C4orf50: variants seen among roughly 807,000 people sequenced by gnomAD.
The protein encoded by C4orf50 is chromosome 4 open reading frame 50.
In C4orf50, 80 loss-of-function variants were observed where a neutral mutation model predicts 77.2. That is an observed-to-expected ratio of 1.04 (90% CI 0.87 to 1.25). The LOEUF is 1.25. C4orf50 is among the 50% of genes most tolerant of loss of function. The probability of loss-of-function intolerance (pLI) is 0.00; values close to 1 mark genes in which losing one functional copy is unlikely to be tolerated. For missense variants in C4orf50, 1,257 were observed against 1,152.9 expected, an observed-to-expected ratio of 1.09 and a Z score of -1.31; for synonymous variants, 532 against 465.3, an observed-to-expected ratio of 1.14 and a Z score of -1.84.
intron 7 of C4orf50, among the ~76,000 whole-genome samples, chr4:5,933,689 T>C (rs1717867932): frequency 6.6e-6 from 1 of 152,166 alleles, no homozygotes; most frequent in African/African-American, 2.4e-5. Context: ...CGGTCGTGCC[T>C]CCCTGCGGAG....
intron 25 of C4orf50, among the ~76,000 whole-genome samples, chr4:6,002,225 T>C (rs190345360): frequency 6.6e-6 from 1 of 151,968 alleles, no homozygotes; most frequent in East Asian, 1.9e-4. Context: ...CAAGAGAAAA[T>C]GGAGGCAGAA....
Position 5,932,085 on chromosome 4 carries a change from C to T in C4orf50, c.*2474+24816G>A, listed in dbSNP as rs1025851044. On this transcript the variant is annotated intron_variant, in intron 7 of 7. Coordinates refer to the C4orf50 transcript ENST00000324058. This position sits in a 1 kb window ranked among gnomAD's most constrained non-coding sequence, Gnocchi z 4.2. ...ACCCCTGCCAACTGTCTCTAATTTC[C>T]GTGCAATGTTTGGCCTCTTGCCCCC... is the stretch of plus-strand genomic sequence containing the variant. Among the ~76,000 whole-genome samples, 4 of 131,910 alleles carry T rather than the reference C, an allele frequency of 3.0e-5. No homozygotes were observed. Among genetic ancestry groups the T allele is most frequent in the Non-Finnish European group, 4.7e-5 (3 of 63,160 alleles). The allele number at this position is 131,910 out of a possible 152,430, so 86.5% of individuals were successfully genotyped here. A position where few individuals can be genotyped will look rare whatever the true frequency, so the allele number is the denominator to read the frequency against.
chr4:5,981,119 C>T (rs1720559118), intron 28 of C4orf50, among the ~76,000 whole-genome samples: 1 of 152,190 alleles, frequency 6.6e-6, no homozygotes, highest in Non-Finnish European at 1.5e-5. Flanking sequence ...CATACTAACA[C>T]AGATTTTCTA....
At chr4:5,949,887 G>C (rs1245199329) in intron 7 of C4orf50, among the ~76,000 whole-genome samples, 1 of 151,382 alleles carries the variant, frequency 6.6e-6, no homozygotes, top group Non-Finnish European at 1.5e-5. Context: ...TATTCCAGAG[G>C]CTGAGGCAGG....
chr4:5,962,057 G>A (rs1045885356), intron 33 of C4orf50, among the ~76,000 whole-genome samples: 5 of 152,170 alleles, frequency 3.3e-5, no homozygotes, highest in South Asian at 2.1e-4. Flanking sequence ...TGCTCATGAC[G>A]ACTGGACAGA....
Position 5,926,349 on chromosome 4 carries a change from G to A in C4orf50, c.*2475-28161C>T, listed in dbSNP as rs141534148. 1.1e-4 allele frequency among the ~76,000 whole-genome samples: 17 copies of A among 152,300 alleles called. No homozygotes were observed. The East Asian group carries it at 3.1e-3, about 28-fold the overall frequency. On this transcript the variant is annotated intron_variant, in intron 7 of 7. Transcript: ENST00000324058. ...AGGAAACAGACACGAAGGCCACGTG[G>A]TGCATGATTCTCTTCCCACGAAGGG...
intron 31 of C4orf50, among the ~76,000 whole-genome samples, chr4:5,969,207 C>G (rs1719760035): frequency 1.3e-5 from 2 of 152,068 alleles, no homozygotes; most frequent in Admixed American, 6.6e-5. Flanking sequence ...CCTCTCTCCC[C>G]ACGAAAACTT....
At chr4:5,911,239 G>C (rs990928498) in intron 7 of C4orf50, among the ~76,000 whole-genome samples, 25 of 152,088 alleles carry the variant, frequency 1.6e-4, no homozygotes, top group Non-Finnish European at 3.1e-4. Context: ...CGAACTTGTG[G>C]GGTTTTCTGG....
intron 25 of C4orf50, among the ~76,000 whole-genome samples, chr4:6,005,961 G>A (rs763240033): frequency 6.6e-6 from 1 of 152,202 alleles, no homozygotes; most frequent in Non-Finnish European, 1.5e-5. Context: ...ACAGCCTAAA[G>A]TCTTACGTTT....
chr4:5,989,478 C>G, exon 28 of C4orf50: 3 of 1,536,132 alleles, frequency 2.0e-6, no homozygotes, highest in Non-Finnish European at 2.6e-6. Context: ...TTCCCCAAAC[C>G]TGCTGAGAGT....
Position 5,983,530 on chromosome 4 carries a change from C to T in C4orf50, c.3700-3192G>A, listed in dbSNP as rs548006776. On this transcript the variant is annotated intron_variant, in intron 28 of 33. Coordinates refer to ENST00000531445, the Ensembl canonical transcript of C4orf50. ...GAAGTCTCAGCTCAACATTCAACTC[C>T]TCAGATTTCCACACTCCTACTCACT... is the stretch of plus-strand genomic sequence containing the variant. 1.1e-4 allele frequency among the ~76,000 whole-genome samples: 16 copies of T among 152,310 alleles called. No individual in the cohort carries two copies. The East Asian group carries it at 2.9e-3, about 28-fold the overall frequency.
At chr4:5,912,607 T>C (rs1263522209) in intron 7 of C4orf50, among the ~76,000 whole-genome samples, 3 of 152,104 alleles carry the variant, frequency 2.0e-5, no homozygotes, top group Admixed American at 6.5e-5. Flanking sequence ...GTGACAGACA[T>C]AGAGACAACT....
At chr4:5,923,885 C>T (rs1717395688) in intron 7 of C4orf50, among the ~76,000 whole-genome samples, 3 of 152,154 alleles carry the variant, frequency 2.0e-5, no homozygotes, top group Non-Finnish European at 4.4e-5. Flanking sequence ...TCTGGGTGGG[C>T]ACCATCTGAT....
chr4:5,975,861 G>A (rs1044007265), intron 30 of C4orf50, 38 bp downstream of exon 8: 3 of 1,463,314 alleles, frequency 2.1e-6, no homozygotes, highest in Non-Finnish European at 2.9e-6. Context: ...CTTTTGTTTT[G>A]AAAGAGGCAT....
chr4:5,899,387 C>T (rs1290023051), intron 7 of C4orf50: 5 of 152,218 alleles, frequency 3.3e-5, no homozygotes, highest in Admixed American at 3.3e-4. Context: ...ATTATCTGAA[C>T]TTTCATGGAA....
exon 28 of C4orf50, chr4:5,989,461 C>A (rs776249647): frequency 1.3e-6 from 2 of 1,535,960 alleles, no homozygotes; most frequent in South Asian, 1.2e-5. Context: ...AGAACAAATA[C>A]CCCAATTTCC....
intron 7 of C4orf50, among the ~76,000 whole-genome samples, chr4:5,912,982 C>T (rs1716874033): frequency 6.6e-6 from 1 of 152,220 alleles, no homozygotes; most frequent in South Asian, 2.1e-4. Context: ...GAAAGGCGTG[C>T]TCACAGGGGA....
At chr4:5,957,722 C>A (rs1185065642) in exon 34 of C4orf50, 1 of 152,122 alleles carries the variant, frequency 6.6e-6, no homozygotes, top group South Asian at 2.1e-4. Context: ...TAAATCAATC[C>A]AGGAATACAT....
Position 5,970,822 on chromosome 4 carries a change from G to T in C4orf50, c.4104+2837C>A, listed in dbSNP as rs1374166056. 6.6e-6 allele frequency among the ~76,000 whole-genome samples: 1 copy of T among 152,180 alleles called. No homozygotes were observed. The highest frequency in any genetic ancestry group is 1.5e-5 in the Non-Finnish European group (1 of 68,028). On this transcript the variant is annotated intron_variant, in intron 31 of 33. Transcript: ENST00000531445. The surrounding 1 kb of genome is among the most constrained non-coding windows in gnomAD (Gnocchi z 4.3). The stretch of plus-strand genomic sequence containing the variant: ...CACCCCCTCAACAGCCCTGGGACAT[G>T]CTGAGGCTCAGGGTCCCCCGTGGAG...
Sources: gnomAD v4.1 joint callset for allele counts (sites outside exome capture counted in the v4.1 genomes callset) on GRCh38, gnomAD v4.1.1 for gene constraint, Gnocchi (gnomAD v3.1) non-coding constraint, MANE v1.5 for transcripts, NCBI Gene and HGNC (gene_info 2026-07-23, HGNC 2026-07-21) for gene names.